TIAM1: variants seen among roughly 807,000 people sequenced by gnomAD.
TIAM1 encodes rho guanine nucleotide exchange factor TIAM1.
TIAM1 carries 65 observed loss-of-function variants against 163.5 expected under a neutral mutation model. That is an observed-to-expected ratio of 0.40 (90% CI 0.33 to 0.49). The LOEUF (loss-of-function observed/expected upper bound fraction) is 0.49, where lower values mean the gene tolerates loss of function less well. TIAM1 is among the 20% of genes least tolerant of loss of function. TIAM1 has a pLI of 0.77. For synonymous variants in TIAM1, 833 were observed against 810.1 expected (o/e 1.03, Z -0.48); for missense variants, 1,789 against 2,044.7 (o/e 0.87, Z 2.41).
chr21:31,313,359 C>G (rs979341240), intron 2 of TIAM1, among the ~76,000 whole-genome samples: 1 of 152,038 alleles, frequency 6.6e-6, no homozygotes, highest in Non-Finnish European at 1.5e-5. Context: ...TTTTCCACTA[C>G]ATTTACTTTA....
intron 1 of TIAM1, among the ~76,000 whole-genome samples, chr21:31,547,777 T>A (rs1051271585): frequency 2.0e-5 from 3 of 152,202 alleles, no homozygotes; most frequent in African/African-American, 7.2e-5. Flanking sequence ...CAATGCTCGA[T>A]AAACTGCTTA....
chr21:31,513,181 A>G (rs2047269980), intron 1 of TIAM1, among the ~76,000 whole-genome samples: 1 of 152,218 alleles, frequency 6.6e-6, no homozygotes, highest in Admixed American at 6.5e-5. Flanking sequence ...TTCCATACAT[A>G]TACACGTACC....
chr21:31,371,605 T>A (rs1351495272), intron 2 of TIAM1, among the ~76,000 whole-genome samples: 3 of 152,204 alleles, frequency 2.0e-5, no homozygotes, highest in Non-Finnish European at 4.4e-5. Flanking sequence ...AAAGATAGAT[T>A]TTCAACCTTA....
intron 15 of TIAM1, among the ~76,000 whole-genome samples, chr21:31,175,389 AAGAGAG>A (rs886334438): frequency 2.0e-4 from 31 of 152,332 alleles, no homozygotes; most frequent in Admixed American, 1.8e-3. Context: ...CGTGAACCCA[AAGAGAG>A]AGAGAAACAG....
chr21:31,492,842 CATCT>C (rs1001998811), intron 1 of TIAM1, among the ~76,000 whole-genome samples: 5 of 148,338 alleles, frequency 3.4e-5, no homozygotes, highest in African/African-American at 1.2e-4. Context: ...GAAAAAAATC[CATCT>C]ATCATATATA....
chr21:31,440,347 C>A (rs2044374174), intron 2 of TIAM1, among the ~76,000 whole-genome samples: 1 of 152,154 alleles, frequency 6.6e-6, no homozygotes, highest in African/African-American at 2.4e-5. Flanking sequence ...CCAAATATTT[C>A]TTCTTACCTA....
At chr21:31,171,050 A>C (rs985040775) in intron 15 of TIAM1, among the ~76,000 whole-genome samples, 37 of 151,030 alleles carry the variant, frequency 2.4e-4, no homozygotes, top group African/African-American at 8.7e-4. Context: ...AAAAAAAAAA[A>C]AAAAAAAAAA....
intron 2 of TIAM1, among the ~76,000 whole-genome samples, chr21:31,335,091 C>A (rs952837919): frequency 2.0e-5 from 3 of 152,168 alleles, no homozygotes; most frequent in Admixed American, 6.5e-5. Context: ...GCATCCACAT[C>A]CCAGGCCGTT....
Position 31,135,988 on chromosome 21 carries a change from C to G in TIAM1, c.3828G>C (p.Leu1276=). 1 of 1,614,206 alleles carries G rather than the reference C, an allele frequency of 6.2e-7. No homozygotes were observed. Among genetic ancestry groups the G allele is most frequent in the South Asian group, 1.1e-5 (1 of 91,084 alleles). The change falls in exon 23 of 28, where the codon CTG becomes CTC. Residue 1276 remains leucine, a synonymous_variant. Transcript: ENST00000541036. ...DLLLHTTVIW[L]NPPASLGKWK... is the part of the protein sequence containing the mutation. ...ACTTGCCCAGCGAGGCCGGCGGGTT[C>G]AGCCAGATCACGGTAGTGTGCAAAA...
intron 1 of TIAM1, among the ~76,000 whole-genome samples, chr21:31,511,550 CAT>C (rs2047210526): frequency 6.6e-6 from 1 of 152,174 alleles, no homozygotes; most frequent in Non-Finnish European, 1.5e-5. Context: ...AGGAAAATCA[CAT>C]GAGGCAATAC....
chr21:31,137,891 A>C (rs1191782667), intron 22 of TIAM1, among the ~76,000 whole-genome samples: 1 of 149,830 alleles, frequency 6.7e-6, no homozygotes, highest in African/African-American at 2.5e-5. Flanking sequence ...TACGAGATAA[A>C]TATCTGTTGT....
At chr21:31,263,124 T>A (rs891251018) in intron 4 of TIAM1, among the ~76,000 whole-genome samples, 3 of 152,140 alleles carry the variant, frequency 2.0e-5, no homozygotes, top group African/African-American at 7.2e-5. Flanking sequence ...GGGGTTTGTT[T>A]CAAGTCATTA....
At chr21:31,211,323 T>C (rs139176865) in intron 10 of TIAM1, among the ~76,000 whole-genome samples, 1 of 152,320 alleles carries the variant, frequency 6.6e-6, no homozygotes, top group African/African-American at 2.4e-5. Flanking sequence ...GATACAATGT[T>C]AGGAGCCCCG....
At chr21:31,333,925 A>C (rs545253481) in intron 2 of TIAM1, among the ~76,000 whole-genome samples, 1 of 152,340 alleles carries the variant, frequency 6.6e-6, no homozygotes, top group African/African-American at 2.4e-5. Context: ...AAAAATTAAT[A>C]TGAAGCATAG....
At chr21:31,440,470 T>TA (rs1555981698) in intron 2 of TIAM1, among the ~76,000 whole-genome samples, 4 of 151,966 alleles carry the variant, frequency 2.6e-5, no homozygotes, top group Non-Finnish European at 4.4e-5. Context: ...TCTTGGCCTT[T>TA]AAAAAAAAGT....
chr21:31,123,712 C>T (rs2082082366), intron 27 of TIAM1, among the ~76,000 whole-genome samples: 1 of 152,150 alleles, frequency 6.6e-6, no homozygotes, highest in South Asian at 2.1e-4. Context: ...ATGAAATCCT[C>T]CCTGCAAAAT....
At chr21:31,436,373 C>A (rs922070335) in intron 2 of TIAM1, among the ~76,000 whole-genome samples, 2 of 152,220 alleles carry the variant, frequency 1.3e-5, no homozygotes, top group African/African-American at 2.4e-5. Flanking sequence ...TGCGGTGGCT[C>A]ATGCCTGTAA....
rs59110882 is a variant in TIAM1 at position 31,451,718 on chromosome 21, CGTGTGTGT to C, written c.-369+12257_-369+12264del. Among the ~76,000 whole-genome samples the C allele has an allele frequency of 3.0e-3, 432 of 142,232 alleles. 3 individuals carry two copies. The highest frequency in any genetic ancestry group is 8.4e-3 in the East Asian group (40 of 4,760). The allele number at this position is 142,232 out of a possible 152,430, so 93.3% of individuals were successfully genotyped here. A position where few individuals can be genotyped will look rare whatever the true frequency, so the allele number is the denominator to read the frequency against. ...CAGGCTGAGTGAAAGCATGTGTGTGCGTGTGTGTGTGTGTGTGTGTGTGTGTGTGTGTG... is the reference window on the plus strand; with the variant it reads ...CAGGCTGAGTGAAAGCATGTGTGTGCGTGTGTGTGTGTGTGTGTGTGTGTG... On this transcript the variant is annotated intron_variant, in intron 2 of 28. Coordinates refer to the TIAM1 transcript ENST00000286827.
intron 1 of TIAM1, among the ~76,000 whole-genome samples, chr21:31,521,806 A>AT (rs1041446491): frequency 5.3e-5 from 8 of 150,526 alleles, no homozygotes; most frequent in East Asian, 3.9e-4. Context: ...AACTCTAATA[A>AT]TTTTTTTTGT....
Sources: gnomAD v4.1 joint callset for allele counts (sites outside exome capture counted in the v4.1 genomes callset) on GRCh38, gnomAD v4.1.1 for gene constraint, MANE v1.5 for transcripts, NCBI Gene and HGNC (gene_info 2026-07-23, HGNC 2026-07-21) for gene names.